Variants in HPSE2 observed in about 807,000 individuals in gnomAD.
The protein encoded by HPSE2 is inactive heparanase-2.
HPSE2 carries 38 observed loss-of-function variants against 60.5 expected under a neutral mutation model. The observed-to-expected ratio is 0.63, with a 90% CI of 0.48 to 0.82. HPSE2 has a LOEUF of 0.82. Among genes scored for constraint, HPSE2 ranks in the 40% least tolerant of loss-of-function variants. The pLI, the probability that HPSE2 is intolerant of heterozygous loss-of-function variation, is 0.00. For missense variants in HPSE2, 713 were observed against 740.4 expected (o/e 0.96, Z 0.43); for synonymous variants, 295 against 293.2 (o/e 1.01, Z -0.06).
intron 3 of HPSE2, among the ~76,000 whole-genome samples, chr10:98,752,715 A>T (rs952120425): frequency 4.6e-5 from 7 of 152,178 alleles, no homozygotes; most frequent in African/African-American, 1.7e-4. Flanking sequence ...AAATATTGCC[A>T]AAAGACCAAA....
rs72836742 is a variant in HPSE2, at chr10:98,852,789, G to A, written c.611-108733C>T. ...TTTGTTTTTTTCTACACACCTTGTA[G>A]CCCTATATTTTTTCTAAAAACAACG... On this transcript the variant is annotated intron_variant, in intron 3 of 11. Coordinates refer to ENST00000370552, the MANE Select transcript of HPSE2 (RefSeq NM_021828.5). Among the ~76,000 whole-genome samples the A allele has an allele frequency of 6.5e-3, 996 of 152,236 alleles. 7 individuals are homozygous for A. Among genetic ancestry groups the A allele is most frequent in the South Asian group, 0.028 (134 of 4,822 alleles).
At chr10:98,821,449 T>C (rs1951421332) in intron 3 of HPSE2, among the ~76,000 whole-genome samples, 1 of 152,258 alleles carries the variant, frequency 6.6e-6, no homozygotes, top group Admixed American at 6.5e-5. Flanking sequence ...AAATAAGGTA[T>C]TACAATTATG....
chr10:98,962,463 C>T (rs1256248033), intron 3 of HPSE2, among the ~76,000 whole-genome samples: 1 of 151,998 alleles, frequency 6.6e-6, no homozygotes, highest in Non-Finnish European at 1.5e-5. Context: ...GACAAACCCA[C>T]AGCCAATATC....
chr10:99,036,264 TA>T (rs1265183643), intron 3 of HPSE2, among the ~76,000 whole-genome samples: 6 of 151,846 alleles, frequency 4.0e-5, no homozygotes, highest in Admixed American at 2.0e-4. Context: ...GATTCTACAA[TA>T]AAAGAAACCA....
chr10:99,269,275 T>A, the HPSE2 span, among the ~76,000 whole-genome samples: 1 of 151,970 alleles, frequency 6.6e-6, no homozygotes, highest in East Asian at 1.9e-4. Context: ...TCCATACAAA[T>A]GGACACTGAA....
chr10:98,945,257 C>T (rs1021642764), intron 3 of HPSE2, among the ~76,000 whole-genome samples: 1 of 152,100 alleles, frequency 6.6e-6, no homozygotes, highest in Non-Finnish European at 1.5e-5. Context: ...TCTAAATGGT[C>T]ACAATGTACA....
intron 3 of HPSE2, among the ~76,000 whole-genome samples, chr10:99,085,825 C>T (rs1843296870): frequency 1.3e-5 from 2 of 152,262 alleles, no homozygotes; most frequent in Admixed American, 6.5e-5. Flanking sequence ...ATTTTATCTC[C>T]ACTATCCCTA....
At chr10:98,742,707 A>C (rs532716868) in intron 4 of HPSE2, among the ~76,000 whole-genome samples, 107 of 151,898 alleles carry the variant, frequency 7.0e-4, no homozygotes, top group South Asian at 4.4e-3. Context: ...CGATTTAGGA[A>C]ATATTTCTCC....
At chr10:99,199,685 G>GTAATATA (rs1848512893) in intron 2 of HPSE2, among the ~76,000 whole-genome samples, 1 of 152,060 alleles carries the variant, frequency 6.6e-6, no homozygotes, top group Admixed American at 6.6e-5. Context: ...ATGTAGCTCT[G>GTAATATA]TAATATATTT....
intron 4 of HPSE2, among the ~76,000 whole-genome samples, chr10:98,742,173 G>A (rs1949512948): frequency 6.6e-6 from 1 of 152,108 alleles, no homozygotes. Flanking sequence ...TACAGTCATG[G>A]TATCCTGAGT....
intron 9 of HPSE2, among the ~76,000 whole-genome samples, chr10:98,510,646 C>T (rs1385047501): frequency 6.6e-6 from 1 of 152,200 alleles, no homozygotes; most frequent in Non-Finnish European, 1.5e-5. Flanking sequence ...TGGACTCTGA[C>T]CCTAGGCTCT....
Position 98,470,102 on chromosome 10 carries a change from G to GGTGTGTGTGTGTGTGTGT in HPSE2, c.1614-10381_1614-10364dup, listed in dbSNP as rs55762346. Among the ~76,000 whole-genome samples, 541 of 150,366 alleles carry GGTGTGTGTGTGTGTGTGT rather than the reference G, an allele frequency of 3.6e-3. 3 individuals carry two copies. The highest frequency in any genetic ancestry group is 0.012 in the African/African-American group (494 of 41,022). ...TGGAGTGAAGACAGGTAGGAAGGCA[G>GGTGTGTGTGTGTGTGTGT]GTGTGTGTGTGTGTGTGTGTGTGTA... is the stretch of plus-strand genomic sequence containing the variant. On this transcript the variant is annotated intron_variant, in intron 11 of 11. Coordinates refer to ENST00000370552, the MANE Select transcript of HPSE2 (RefSeq NM_021828.5).
chr10:98,956,191 G>A (rs1288155991), intron 3 of HPSE2, among the ~76,000 whole-genome samples: 1 of 152,024 alleles, frequency 6.6e-6, no homozygotes, highest in African/African-American at 2.4e-5. Context: ...AGACAACACA[G>A]TAAACAAGGA....
At chr10:98,482,459 G>A (rs879526047) in intron 11 of HPSE2, among the ~76,000 whole-genome samples, 177 bp downstream of exon 11, 4 of 152,302 alleles carry the variant, frequency 2.6e-5, no homozygotes, top group Middle Eastern at 3.4e-3. Context: ...AAGATAGGGA[G>A]GGGCTTGAAC....
At chr10:98,812,797 C>T (rs1299772813) in intron 3 of HPSE2, among the ~76,000 whole-genome samples, 1 of 152,108 alleles carries the variant, frequency 6.6e-6, no homozygotes, top group Non-Finnish European at 1.5e-5. Context: ...TAAAAGTCAC[C>T]TCAAACTTTG....
chr10:99,078,931 G>A (rs1228439095), intron 3 of HPSE2, among the ~76,000 whole-genome samples: 1 of 152,102 alleles, frequency 6.6e-6, no homozygotes. Flanking sequence ...TCAAGATTAT[G>A]CTGGGTCCAG....
At chr10:98,483,611 A>AGTGGT (rs1941329973) in intron 10 of HPSE2, among the ~76,000 whole-genome samples, 1 of 152,140 alleles carries the variant, frequency 6.6e-6, no homozygotes, top group Non-Finnish European at 1.5e-5. Context: ...TGCCCTACTA[A>AGTGGT]GTGATCGCGT....
chr10:99,299,891 G>A, the HPSE2 span, among the ~76,000 whole-genome samples: 1 of 152,030 alleles, frequency 6.6e-6, no homozygotes, highest in Non-Finnish European at 1.5e-5. Flanking sequence ...TCCTGGGTGT[G>A]CATTGCGTTA....
chr10:98,754,271 G>A (rs937442459), intron 3 of HPSE2, among the ~76,000 whole-genome samples: 1 of 152,112 alleles, frequency 6.6e-6, no homozygotes, highest in Admixed American at 6.6e-5. Context: ...GAGCTCGAAG[G>A]CTAGTTCTTT....
Sources: gnomAD v4.1 joint callset for allele counts (sites outside exome capture counted in the v4.1 genomes callset) on GRCh38, gnomAD v4.1.1 for gene constraint, MANE v1.5 for transcripts, NCBI Gene and HGNC (gene_info 2026-07-23, HGNC 2026-07-21) for gene names.